SPMAP2L: variants seen among roughly 807,000 people sequenced by gnomAD.
The protein encoded by SPMAP2L is sperm microtubule associated protein 2 like, also known as sperm microtubule associated protein 2-like.
At chr4:56,534,795 G>A in the SPMAP2L span, among the ~76,000 whole-genome samples, 1 of 152,170 alleles carries the variant, frequency 6.6e-6, no homozygotes, top group Admixed American at 6.5e-5. Context: ...TAGGCGTGGT[G>A]GCGCATGCCT....
the SPMAP2L span, chr4:56,552,588 TA>T: frequency 6.5e-7 from 1 of 1,526,788 alleles, no homozygotes; most frequent in Non-Finnish European, 8.8e-7. Flanking sequence ...TTTCAAAGCC[TA>T]AAAAGCAATG....
chr4:56,557,753 T>G, the SPMAP2L span: 1 of 152,136 alleles, frequency 6.6e-6, no homozygotes, highest in Non-Finnish European at 1.5e-5. Context: ...CAGACAGGTG[T>G]GGTATGGATA....
chr4:56,611,599 A>G, the SPMAP2L span, among the ~76,000 whole-genome samples: 1 of 152,206 alleles, frequency 6.6e-6, no homozygotes, highest in African/African-American at 2.4e-5. Context: ...TTAAAAAAGG[A>G]AAAAGAGTCA....
chr4:56,596,622 C>G, the SPMAP2L span: 1 of 1,519,822 alleles, frequency 6.6e-7, no homozygotes. Flanking sequence ...GTGAACTGCC[C>G]ATCCGTCCTG....
At chr4:56,577,667 C>T in the SPMAP2L span, among the ~76,000 whole-genome samples, 1 of 152,072 alleles carries the variant, frequency 6.6e-6, no homozygotes. Context: ...AGTTATCCTT[C>T]GTAACTGAAG....
At chr4:56,531,941 C>A in the SPMAP2L span, among the ~76,000 whole-genome samples, 13,323 of 152,198 alleles carry the variant, frequency 0.088, 961 homozygotes, top group East Asian at 0.24. Context: ...TGTCTTCCAC[C>A]ATTCCATTGG....
the SPMAP2L span, among the ~76,000 whole-genome samples, chr4:56,587,892 A>G: frequency 6.6e-6 from 1 of 152,202 alleles, no homozygotes; most frequent in Non-Finnish European, 1.5e-5. Flanking sequence ...AGGAATCTCC[A>G]CACTGTTTTC....
chr4:56,544,107 G>A, the SPMAP2L span, among the ~76,000 whole-genome samples: 1 of 152,026 alleles, frequency 6.6e-6, no homozygotes, highest in African/African-American at 2.4e-5. Context: ...TCGTGCCTCA[G>A]CCTCCCGAGT....
At chr4:56,625,605 G>C in the SPMAP2L span, among the ~76,000 whole-genome samples, 2 of 152,164 alleles carry the variant, frequency 1.3e-5, no homozygotes, top group African/African-American at 4.8e-5. Context: ...AGTGTCACAA[G>C]ATCTGATGGG....
At chr4:56,543,895 AGTGTGTGT>A in the SPMAP2L span, among the ~76,000 whole-genome samples, 87 of 109,432 alleles carry the variant, frequency 8.0e-4, no homozygotes, top group African/African-American at 1.9e-3. Flanking sequence ...AGAGAGAGAG[AGTGTGTGT>A]GTGTGTGTGT....
At chr4:56,577,859 C>T in the SPMAP2L span, among the ~76,000 whole-genome samples, 3 of 152,076 alleles carry the variant, frequency 2.0e-5, no homozygotes, top group South Asian at 2.1e-4. Context: ...GTGGTGAATG[C>T]CTGTGGTCCC....
the SPMAP2L span, among the ~76,000 whole-genome samples, chr4:56,613,146 C>A: frequency 5.9e-5 from 9 of 152,268 alleles, no homozygotes; most frequent in African/African-American, 2.2e-4. Context: ...CCCATGGCCA[C>A]CCTTGGTAGC....
chr4:56,623,793 CAT>C, the SPMAP2L span, among the ~76,000 whole-genome samples: 2 of 152,232 alleles, frequency 1.3e-5, no homozygotes, highest in Non-Finnish European at 2.9e-5. Flanking sequence ...CCTCCCCACT[CAT>C]GTGGAACTGT....
the SPMAP2L span, among the ~76,000 whole-genome samples, chr4:56,561,793 T>C: frequency 6.6e-5 from 10 of 152,256 alleles, no homozygotes; most frequent in East Asian, 1.7e-3. Context: ...GGCGCCATCT[T>C]GGCTCACTGC....
the SPMAP2L span, chr4:56,575,575 C>A: frequency 2.6e-6 from 4 of 1,535,288 alleles, no homozygotes; most frequent in Non-Finnish European, 1.7e-6. Flanking sequence ...ATTGTTTAGA[C>A]AACCCTCCAA....
the SPMAP2L span, among the ~76,000 whole-genome samples, chr4:56,581,713 A>G: frequency 6.6e-6 from 1 of 152,226 alleles, no homozygotes; most frequent in Non-Finnish European, 1.5e-5. Flanking sequence ...GACATCAAAT[A>G]GCCAAAAACA....
the SPMAP2L span, among the ~76,000 whole-genome samples, chr4:56,607,378 T>A: frequency 2.0e-5 from 3 of 152,350 alleles, no homozygotes; most frequent in East Asian, 5.8e-4. Flanking sequence ...CAGCCTCAGC[T>A]GTGAGAAATA....
At chr4:56,588,068 A>G in the SPMAP2L span, among the ~76,000 whole-genome samples, 3 of 152,198 alleles carry the variant, frequency 2.0e-5, no homozygotes, top group Non-Finnish European at 4.4e-5. Flanking sequence ...CTTGATCATT[A>G]GTGATGTTGA....
the SPMAP2L span, among the ~76,000 whole-genome samples, chr4:56,554,148 G>A: frequency 6.6e-6 from 1 of 152,110 alleles, no homozygotes; most frequent in Non-Finnish European, 1.5e-5. Flanking sequence ...TATGAATAAA[G>A]CTGCTATAAA....
Sources: gnomAD v4.1 joint callset for allele counts (sites outside exome capture counted in the v4.1 genomes callset) on GRCh38, gnomAD v4.1.1 for gene constraint, MANE v1.5 for transcripts, NCBI Gene and HGNC (gene_info 2026-07-23, HGNC 2026-07-21) for gene names.